RARS2: variants seen among roughly 807,000 people sequenced by gnomAD.
The protein encoded by RARS2 is arginyl-tRNA synthetase 2, mitochondrial.
Under a neutral mutation model 88.5 loss-of-function variants are expected in RARS2, and 67 were observed. The ratio of observed to expected loss-of-function variants is 0.76; its 90% CI spans 0.62 to 0.93. The LOEUF (loss-of-function observed/expected upper bound fraction) is 0.93, where lower values mean the gene tolerates loss of function less well. Ranked by LOEUF, RARS2 falls within the 40% of genes least tolerant of loss-of-function variation. RARS2 has a pLI of 0.00. For missense variants in RARS2, 664 were observed against 684.2 expected, an observed-to-expected ratio of 0.97 and a Z score of 0.33; for synonymous variants, 239 against 230.3, an observed-to-expected ratio of 1.04 and a Z score of -0.34.
chr6:87,543,812 T>G (rs1401445067), intron 7 of RARS2, among the ~76,000 whole-genome samples: 1 of 152,172 alleles, frequency 6.6e-6, no homozygotes, highest in South Asian at 2.1e-4. Flanking sequence ...GAAGGATGAC[T>G]GAAGCTCTAT....
intron 2 of RARS2, among the ~76,000 whole-genome samples, chr6:87,568,154 G>A (rs1303922162): frequency 6.6e-6 from 1 of 152,152 alleles, no homozygotes; most frequent in Non-Finnish European, 1.5e-5. Context: ...TTCAAAAGAT[G>A]GGCCAAGATG....
chr6:87,571,127 T>TA (rs1321088115), intron 1 of RARS2, among the ~76,000 whole-genome samples: 1 of 151,790 alleles, frequency 6.6e-6, no homozygotes, highest in African/African-American at 2.4e-5. Context: ...AATCCCCACG[T>TA]GTCATGGGAG....
intron 5 of RARS2, among the ~76,000 whole-genome samples, chr6:87,551,793 G>A (rs1209215630): frequency 1.3e-5 from 2 of 152,052 alleles, no homozygotes; most frequent in African/African-American, 2.4e-5. Context: ...TCTGTTTTGC[G>A]AGAAGAGTGT....
intron 1 of RARS2, among the ~76,000 whole-genome samples, chr6:87,571,833 G>C (rs2128194795): frequency 6.6e-6 from 1 of 152,316 alleles, no homozygotes; most frequent in Non-Finnish European, 1.5e-5. Context: ...CTTTCTTTAA[G>C]AGGCTTGTAC....
chr6:87,540,565 C>CCACTTCTCTG (rs1562134776), intron 8 of RARS2, among the ~76,000 whole-genome samples: 71 of 151,912 alleles, frequency 4.7e-4, no homozygotes, highest in Middle Eastern at 3.4e-3. Context: ...GTGGCTTAAG[C>CCACTTCTCTG]TGGAGAAGTA....
intron 1 of RARS2, among the ~76,000 whole-genome samples, chr6:87,578,833 G>A (rs1206846416): frequency 6.6e-6 from 1 of 151,874 alleles, no homozygotes; most frequent in Non-Finnish European, 1.5e-5. Context: ...GGTGGCTGGT[G>A]CCTGTAGTCC....
intron 4 of RARS2, among the ~76,000 whole-genome samples, chr6:87,557,644 C>G (rs904855387): frequency 6.6e-6 from 1 of 152,212 alleles, no homozygotes; most frequent in African/African-American, 2.4e-5. Flanking sequence ...CTAATTCCTT[C>G]CCTCCTTCCT....
chr6:87,516,612 C>G (rs1771827389), intron 18 of RARS2, among the ~76,000 whole-genome samples, 194 bp downstream of exon 18: 1 of 152,182 alleles, frequency 6.6e-6, no homozygotes, highest in Non-Finnish European at 1.5e-5. Flanking sequence ...ATTCTCCAGT[C>G]TACAGTGACA....
At chr6:87,526,927 TC>T (rs1202171798) in intron 10 of RARS2, among the ~76,000 whole-genome samples, 1 of 151,812 alleles carries the variant, frequency 6.6e-6, no homozygotes, top group Non-Finnish European at 1.5e-5. Context: ...CACCTCAGCC[TC>T]CCAAAGTGCT....
chr6:87,567,271 T>C (rs1468718460), intron 2 of RARS2, among the ~76,000 whole-genome samples: 1 of 150,074 alleles, frequency 6.7e-6, no homozygotes, highest in Non-Finnish European at 1.5e-5. Context: ...AAGAAAAAAC[T>C]GGTCCCATAC....
intron 1 of RARS2, among the ~76,000 whole-genome samples, chr6:87,588,898 C>T (rs1776057934): frequency 6.6e-6 from 1 of 152,174 alleles, no homozygotes; most frequent in Non-Finnish European, 1.5e-5. Flanking sequence ...ACTACCAAAG[C>T]TCTCAGTGGT....
At chr6:87,536,969 G>A (rs1779368535) in intron 8 of RARS2, among the ~76,000 whole-genome samples, 2 of 152,342 alleles carry the variant, frequency 1.3e-5, no homozygotes, top group Admixed American at 1.3e-4. Context: ...AAAACCACTA[G>A]TGAAGCATAT....
At chr6:87,541,550 G>A (rs112315300) in intron 8 of RARS2, among the ~76,000 whole-genome samples, 5 of 152,208 alleles carry the variant, frequency 3.3e-5, no homozygotes, top group African/African-American at 1.2e-4. Flanking sequence ...GAGGCTGGGC[G>A]TGGTGACTCA....
chr6:87,569,217 G>T (rs1333501140), intron 2 of RARS2, among the ~76,000 whole-genome samples: 1 of 152,126 alleles, frequency 6.6e-6, no homozygotes, highest in African/African-American at 2.4e-5. Flanking sequence ...TTTATTTATT[G>T]TTACAGAATT....
chr6:87,524,792 A>C, intron 10 of RARS2, 140 bp from the exon 11 acceptor site: 1 of 672,392 alleles, frequency 1.5e-6, no homozygotes, highest in Admixed American at 2.4e-5. Context: ...GCTTTAATCA[A>C]CAATGGAAAA....
chr6:87,519,197 T>TGTGTGC (rs1772930680), intron 14 of RARS2: 1 of 272,022 alleles, frequency 3.7e-6, no homozygotes, highest in East Asian at 9.1e-5. Context: ...TGTGTGTGTG[T>TGTGTGC]GTGTGTGTGT....
intron 19 of RARS2, 78 bp downstream of exon 19, chr6:87,514,879 G>A: frequency 8.0e-7 from 1 of 1,253,598 alleles, no homozygotes; most frequent in Non-Finnish European, 1.2e-6. Context: ...TGCTATTTTA[G>A]AAAAATTTAC....
At chr6:87,581,473 C>T (rs1055473010) in intron 1 of RARS2, among the ~76,000 whole-genome samples, 1 of 152,058 alleles carries the variant, frequency 6.6e-6, no homozygotes, top group African/African-American at 2.4e-5. Context: ...TCCTCAGGAA[C>T]AGGTCTGCAT....
chr6:87,559,463 C>CCA (rs1394106691), intron 4 of RARS2, among the ~76,000 whole-genome samples: 7,566 of 93,120 alleles, frequency 0.081, 589 homozygotes, highest in African/African-American at 0.11. Flanking sequence ...AACTCTGTCT[C>CCA]AAAAAAAAAA....
Sources: allele counts gnomAD v4.1 joint callset (sites outside exome capture counted in the v4.1 genomes callset), GRCh38; gene constraint gnomAD v4.1.1; transcripts MANE v1.5; gene names NCBI Gene and HGNC (gene_info 2026-07-23, HGNC 2026-07-21).